Variants in CTNND1 observed in about 807,000 individuals in gnomAD.
CTNND1 encodes the protein catenin delta 1.
CTNND1 carries 16 observed loss-of-function variants against 112.1 expected under a neutral mutation model. The ratio of observed to expected loss-of-function variants is 0.14; its 90% CI spans 0.10 to 0.22. CTNND1 has a LOEUF of 0.22. Ranked by LOEUF, CTNND1 falls within the 10% of genes least tolerant of loss-of-function variation. The pLI is 1.00. For missense variants in CTNND1, 1,008 were observed against 1,257.0 expected (o/e 0.80, Z 3.00); for synonymous variants, 420 against 446.5 (o/e 0.94, Z 0.75).
At chr11:57,803,525 G>C in intron 7 of CTNND1, 96 bp from the exon 8 acceptor site, 1 of 920,756 alleles carries the variant, frequency 1.1e-6, no homozygotes, top group Non-Finnish European at 1.6e-6. Flanking sequence ...CACTGGGGAA[G>C]ACTGAGAAGT....
At chr11:57,800,822 C>T (rs911347242) in intron 6 of CTNND1, among the ~76,000 whole-genome samples, 2 of 152,158 alleles carry the variant, frequency 1.3e-5, no homozygotes, top group Non-Finnish European at 2.9e-5. Context: ...TTTCTTCCTT[C>T]CTGGTAGTTA....
At chr11:57,768,506 G>A (rs1352720933) in intron 1 of CTNND1, among the ~76,000 whole-genome samples, 1 of 146,424 alleles carries the variant, frequency 6.8e-6, no homozygotes, top group African/African-American at 2.5e-5. Context: ...CCATTCTCCT[G>A]CCTCAGCCTC....
chr11:57,806,560 C>T, intron 11 of CTNND1, 82 bp downstream of exon 11: 1 of 1,285,690 alleles, frequency 7.8e-7, no homozygotes, highest in Non-Finnish European at 1.1e-6. Context: ...CCTTGCCTAA[C>T]CTTTCCCTGT....
chr11:57,803,617 C>T lies in CTNND1; in HGVS notation c.1421-4C>T. ...AGAGCCATCTGATGAATTGTCTCTT[C>T]CAGGAACCCTGTGGAATCTTTCATC... On this transcript the variant is annotated splice_region_variant and splice_polypyrimidine_tract_variant and intron_variant, in intron 7 of 20. Transcript: ENST00000399050. 2 of 1,606,038 alleles carry T rather than the reference C, an allele frequency of 1.2e-6. No homozygotes were observed. Among genetic ancestry groups the T allele is most frequent in the Non-Finnish European group, 8.5e-7 (1 of 1,176,082 alleles).
chr11:57,788,994 T>C lies in CTNND1; in HGVS notation c.-213-43T>C, dbSNP rs907016639. The C allele has an allele frequency of 7.3e-7, 1 of 1,361,488 alleles. No homozygotes were observed. The highest frequency in any genetic ancestry group is 1.0e-6 in the Non-Finnish European group (1 of 988,220). The allele number at this position is 1,361,488 out of a possible 1,614,324, so 84.3% of individuals were successfully genotyped here. ...TTGTTTTTATGTATTGGGTATATTT[T>C]ATTTTCCTCTCATTCCCATTTTTCC... On this transcript the variant is annotated intron_variant, in intron 1 of 20. Transcript: ENST00000399050. The surrounding 1 kb of genome is among the most constrained non-coding windows in gnomAD (Gnocchi z 4.1).
At chr11:57,779,602 T>C (rs1050365021) in intron 1 of CTNND1, among the ~76,000 whole-genome samples, 3 of 152,244 alleles carry the variant, frequency 2.0e-5, no homozygotes, top group Non-Finnish European at 4.4e-5. Flanking sequence ...TCTGTTCTTA[T>C]GCTGGCTAGC....
At position 57,812,291 on chromosome 11, in the gene CTNND1, G is replaced by A. The variant is rs548483730; in HGVS notation, c.2638+805G>A. 9.2e-5 allele frequency among the ~76,000 whole-genome samples: 14 copies of A among 152,168 alleles called. No individual in the cohort carries two copies. The East Asian group carries it at 1.4e-3, about 15-fold the overall frequency. The stretch of plus-strand genomic sequence containing the variant: ...TCCTAGCACTTTGGGAGGCTGAGGC[G>A]GGCAGATCACCTGAGGTCAGGAGTT... On this transcript the variant is annotated intron_variant, in intron 17 of 20. Coordinates refer to ENST00000399050, the MANE Select transcript of CTNND1 (RefSeq NM_001085458.2).
intron 1 of CTNND1, among the ~76,000 whole-genome samples, chr11:57,783,937 AT>A (rs1381553316): frequency 2.0e-5 from 3 of 151,686 alleles, no homozygotes; most frequent in Non-Finnish European, 4.4e-5. Flanking sequence ...TTACGTATTT[AT>A]TTTTGAGACA....
chr11:57,813,176 T>G (rs1057260497), intron 17 of CTNND1, among the ~76,000 whole-genome samples: 1 of 151,940 alleles, frequency 6.6e-6, no homozygotes, highest in South Asian at 2.1e-4. Flanking sequence ...ACAAAAAAAT[T>G]AGCCAGGCAT....
intron 1 of CTNND1, among the ~76,000 whole-genome samples, chr11:57,778,159 C>T (rs2059208216): frequency 6.6e-6 from 1 of 151,930 alleles, no homozygotes; most frequent in Non-Finnish European, 1.5e-5. Flanking sequence ...AAACGGGGAA[C>T]TTTGCTCCCA....
At chr11:57,769,033 G>A (rs1214293985) in intron 1 of CTNND1, among the ~76,000 whole-genome samples, 3 of 151,384 alleles carry the variant, frequency 2.0e-5, no homozygotes, top group East Asian at 1.9e-4. Flanking sequence ...GAGGCTGGGC[G>A]CGGTGGCTCA....
chr11:57,775,326 C>T (rs562455368), intron 1 of CTNND1, among the ~76,000 whole-genome samples: 9 of 127,996 alleles, frequency 7.0e-5, no homozygotes, highest in Middle Eastern at 3.7e-3. Context: ...AGGGAGACCC[C>T]GTCTCGAAAA....
At chr11:57,795,436 A>G in intron 4 of CTNND1, 141 bp from the exon 5 acceptor site, 2 of 792,816 alleles carry the variant, frequency 2.5e-6, no homozygotes, top group Admixed American at 3.3e-5. Flanking sequence ...GATGACAGCC[A>G]CCCATCTAAA....
In CTNND1 at chr11:57,788,487, A is replaced by G. The variant is rs943173635; in HGVS notation, c.-213-550A>G. Among the ~76,000 whole-genome samples the G allele has an allele frequency of 6.6e-6, 1 of 151,962 alleles. No homozygotes were observed. The highest frequency in any genetic ancestry group is 6.6e-5 in the Admixed American group (1 of 15,256). On this transcript the variant is annotated intron_variant, in intron 1 of 20. Coordinates refer to ENST00000399050, the MANE Select transcript of CTNND1 (RefSeq NM_001085458.2). The surrounding 1 kb of genome is among the most constrained non-coding windows in gnomAD (Gnocchi z 4.1). ...CTCTTGCTTGCTGACTTCTGCATAC[A>G]CTCTAAGCCAAACAGGCCCGGGCAT... is the stretch of plus-strand genomic sequence containing the variant.
intron 4 of CTNND1, 30 bp from the exon 5 acceptor site, chr11:57,795,547 A>G: frequency 6.3e-7 from 1 of 1,592,100 alleles, no homozygotes; most frequent in Non-Finnish European, 8.5e-7. Context: ...ACTTAATAGT[A>G]GTTTCTTCTC....
intron 3 of CTNND1, among the ~76,000 whole-genome samples, chr11:57,792,851 TA>T (rs1256127355): frequency 4.1e-5 from 5 of 123,396 alleles, no homozygotes; most frequent in African/African-American, 5.9e-5. Context: ...TTTTTTTTTT[TA>T]AGATAGAGAA....
rs1342695531 is a variant in CTNND1, at chr11:57,818,414, G to A, written c.*2106G>A. The stretch of plus-strand genomic sequence containing the variant: ...TGTTAATGCTTTTAAAAACAAATGA[G>A]TTTTTTATATAAATAAAGTTTTTAA... On this transcript the variant is annotated 3_prime_UTR_variant, in exon 21 of 21. Transcript: ENST00000399050. 1.3e-5 allele frequency: 2 copies of A among 152,354 alleles called. No homozygotes were observed. The highest frequency in any genetic ancestry group is 3.8e-4 in the East Asian group (2 of 5,202). The allele number at this position is 152,354 out of a possible 1,614,324, so 9.4% of individuals were successfully genotyped here.
At chr11:57,803,881 T>A (rs981000700) in intron 8 of CTNND1, 77 bp downstream of exon 8, 26 of 1,017,954 alleles carry the variant, frequency 2.6e-5, no homozygotes, top group African/African-American at 6.5e-5. Flanking sequence ...AAAAAAAAAT[T>A]AAAATTCTTT....
chr11:57,815,710 T>C, intron 19 of CTNND1: 1 of 781,758 alleles, frequency 1.3e-6, no homozygotes, highest in South Asian at 1.4e-5. Context: ...TCTGTAAAAG[T>C]GTTACTGATA....
Sources: gnomAD v4.1 joint callset for allele counts (sites outside exome capture counted in the v4.1 genomes callset) on GRCh38, gnomAD v4.1.1 for gene constraint, Gnocchi (gnomAD v3.1) non-coding constraint, MANE v1.5 for transcripts, NCBI Gene and HGNC (gene_info 2026-07-23, HGNC 2026-07-21) for gene names.